Variants in KIAA0930 observed in about 807,000 individuals in gnomAD.
The protein encoded by KIAA0930 is KIAA0930, also known as uncharacterized protein KIAA0930.
A neutral mutation model predicts 43.9 loss-of-function variants in KIAA0930; 24 were observed. That is an observed-to-expected ratio of 0.55 (90% confidence interval 0.40 to 0.77). KIAA0930 has a LOEUF of 0.77. Among genes scored for constraint, KIAA0930 ranks in the 30% least tolerant of loss-of-function variants. The pLI, the probability that KIAA0930 is intolerant of heterozygous loss-of-function variation, is 0.00. For synonymous variants in KIAA0930, 259 were observed against 216.4 expected, an observed-to-expected ratio of 1.20 and a Z score of -1.73; for missense variants, 461 against 574.2, an observed-to-expected ratio of 0.80 and a Z score of 2.02.
intron 5 of KIAA0930, 142 bp downstream of exon 5, chr22:45,205,075 G>C (rs1488505371): frequency 1.5e-6 from 1 of 669,660 alleles, no homozygotes; most frequent in East Asian, 2.7e-5. Flanking sequence ...GGAAGAGAGA[G>C]AGCCACATCT....
intron 1 of KIAA0930, among the ~76,000 whole-genome samples, chr22:45,234,586 C>G (rs2147767994): frequency 6.6e-6 from 1 of 152,364 alleles, no homozygotes; most frequent in South Asian, 2.1e-4. Context: ...CCTTGGGGGT[C>G]ACACAGCAGC....
intron 2 of KIAA0930, among the ~76,000 whole-genome samples, chr22:45,209,673 C>T (rs980927306): frequency 3.9e-5 from 6 of 152,240 alleles, no homozygotes; most frequent in African/African-American, 1.4e-4. Flanking sequence ...ATAGCACTGG[C>T]CATACCGTCT....
rs186005773 is a variant in KIAA0930, at chr22:45,228,032, C to T, written c.64+12608G>A. ...TCAGCACCGGCCAATGCAGACAATCCGTGGGCTGGCAGGAGGGACCTGCAG... is the reference window on the plus strand; with the variant it reads ...TCAGCACCGGCCAATGCAGACAATCTGTGGGCTGGCAGGAGGGACCTGCAG... On this transcript the variant is annotated intron_variant, in intron 1 of 9. Transcript: ENST00000336156. 1.6e-3 allele frequency among the ~76,000 whole-genome samples: 245 copies of T among 152,296 alleles called. 1 individual carries two copies. The highest frequency in any genetic ancestry group is 2.6e-3 in the Non-Finnish European group (178 of 68,020).
intron 5 of KIAA0930, 116 bp downstream of exon 5, chr22:45,205,101 T>C (rs1349794011): frequency 8.8e-6 from 7 of 799,002 alleles, no homozygotes; most frequent in Non-Finnish European, 1.3e-5. Flanking sequence ...AGCCGGACTC[T>C]TCCCGGCTCC....
chr22:45,207,970 A>G (rs1474294053), intron 2 of KIAA0930, among the ~76,000 whole-genome samples: 1 of 152,186 alleles, frequency 6.6e-6, no homozygotes, highest in African/African-American at 2.4e-5. Context: ...TTTGCTCAGC[A>G]AAGCGCTGTG....
intron 7 of KIAA0930, 49 bp from the exon 8 acceptor site, chr22:45,200,084 C>CCGGG (rs775802122): frequency 6.6e-7 from 1 of 1,524,500 alleles, no homozygotes; most frequent in Non-Finnish European, 8.8e-7. Context: ...AGCCCCCTCC[C>CCGGG]CGGGGGTCCC....
In KIAA0930 at chr22:45,205,815, C is replaced by G; in HGVS notation, c.314G>C (p.Cys105Ser). 8.2e-7 allele frequency: 1 copy of G among 1,221,214 alleles called. No individual in the cohort carries two copies. Among genetic ancestry groups the G allele is most frequent in the Non-Finnish European group, 1.1e-6 (1 of 892,480 alleles). The allele number at this position is 1,221,214 out of a possible 1,614,324, so 75.6% of individuals were successfully genotyped here. Reference protein sequence around the residue: ...DPDIDWEESVCLNLILQKLDY... With the variant: ...DPDIDWEESVSLNLILQKLDY... ...TACCTTCTGCAGGATGAGATTCAGG[C>G]AGACGCTCTCCTCCCAGTCGATGTC... The change falls in exon 3 of 10, where the codon TGC (cysteine) becomes TCC (serine). Residue 105 changes from cysteine to serine, a missense_variant. By Grantham distance (112) the Cys-to-Ser change is moderately radical (BLOSUM62 -1). Transcript: ENST00000336156.
At chr22:45,219,560 C>T (rs2083754298) in intron 1 of KIAA0930, among the ~76,000 whole-genome samples, 1 of 142,552 alleles carries the variant, frequency 7.0e-6, no homozygotes, top group Non-Finnish European at 1.5e-5. Context: ...AGTACATTAA[C>T]ACAGCAGGCC....
Position 45,240,656 on chromosome 22 carries a change from G to A in KIAA0930, c.48C>T (p.Arg16=), listed in dbSNP as rs1468969022. 2 of 1,526,900 alleles carry A rather than the reference G, an allele frequency of 1.3e-6. No individual in the cohort carries two copies. Among genetic ancestry groups the A allele is most frequent in the African/African-American group, 1.4e-5 (1 of 71,950 alleles). 94.6% of individuals were successfully genotyped at this position (1,526,900 alleles called of 1,614,324 possible). ...AEERGRLSLR[R]EVCGLGCFKD... is the part of the protein sequence containing the mutation. ...CCCACTCACCGAGGCCGCAGACCTC[G>A]CGGCGCAGGCTAAGACGGCCGCGCT... The change falls in exon 1 of 10, where the codon CGC becomes CGT. Residue 16 remains arginine (R), a synonymous_variant. Coordinates refer to ENST00000336156, the MANE Select transcript of KIAA0930 (RefSeq NM_001009880.2).
At chr22:45,226,290 G>A (rs528676454) in intron 1 of KIAA0930, 12 of 471,030 alleles carry the variant, frequency 2.5e-5, no homozygotes, top group South Asian at 4.6e-5. Context: ...TAAGGAAACC[G>A]AGACCTTCAA....
intron 1 of KIAA0930, among the ~76,000 whole-genome samples, chr22:45,239,265 G>A (rs1220896013): frequency 6.6e-6 from 1 of 152,248 alleles, no homozygotes; most frequent in Non-Finnish European, 1.5e-5. Context: ...GGTGCCAGCT[G>A]ACAGGTGGGC....
chr22:45,206,041 G>C (rs990444446), intron 2 of KIAA0930, 129 bp from the exon 3 acceptor site: 1 of 1,451,790 alleles, frequency 6.9e-7, no homozygotes, highest in South Asian at 1.3e-5. Flanking sequence ...TTTGAGACAG[G>C]GTCTCACACC....
chr22:45,208,405 CCA>C (rs1462155478), intron 2 of KIAA0930, among the ~76,000 whole-genome samples: 1 of 148,844 alleles, frequency 6.7e-6, no homozygotes, highest in Non-Finnish European at 1.5e-5. Flanking sequence ...CCCGCCAACT[CCA>C]CACACACGAG....
intron 1 of KIAA0930, among the ~76,000 whole-genome samples, chr22:45,235,686 G>A (rs948154757): frequency 3.3e-5 from 5 of 152,170 alleles, no homozygotes; most frequent in Non-Finnish European, 5.9e-5. Flanking sequence ...GACTGCACCC[G>A]ACTCCACACC....
chr22:45,194,731 T>C lies in KIAA0930; in HGVS notation c.*2445A>G, dbSNP rs537171554. Reference sequence around the variant, plus strand: ...TAAGTGGCTCTGAGCAAGTTTTAAATCCGGCATCGCAAGTACCCTTTGGAG... The same window carrying C: ...TAAGTGGCTCTGAGCAAGTTTTAAACCCGGCATCGCAAGTACCCTTTGGAG... On this transcript the variant is annotated 3_prime_UTR_variant, in exon 10 of 10. Transcript: ENST00000336156. 1 of 152,324 alleles carries C rather than the reference T, an allele frequency of 6.6e-6. No homozygotes were observed. The highest frequency in any genetic ancestry group is 1.5e-5 in the Non-Finnish European group (1 of 68,032). 9.4% of individuals were successfully genotyped at this position (152,324 alleles called of 1,614,324 possible).
intron 2 of KIAA0930, among the ~76,000 whole-genome samples, chr22:45,207,376 A>G (rs1237707734): frequency 6.7e-6 from 1 of 149,038 alleles, no homozygotes; most frequent in Non-Finnish European, 1.5e-5. Context: ...GGGCTGGAGT[A>G]CAGTGGCACA....
At position 45,194,769 on chromosome 22, in the gene KIAA0930, C is replaced by G. The variant is rs549143773; in HGVS notation, c.*2407G>C. 2.0e-5 allele frequency: 3 copies of G among 152,222 alleles called. No individual in the cohort carries two copies. Among genetic ancestry groups the G allele is most frequent in the Admixed American group, 2.0e-4 (3 of 15,280 alleles). 9.4% of individuals were successfully genotyped at this position (152,222 alleles called of 1,614,324 possible). On this transcript the variant is annotated 3_prime_UTR_variant, in exon 10 of 10. Transcript: ENST00000336156. Reference sequence around the variant, plus strand: ...GTACCCTTTGGAGAGGGATTTAGGGCCTGAGAAAGGCAGACTCCACCGAGT... The same window carrying G: ...GTACCCTTTGGAGAGGGATTTAGGGGCTGAGAAAGGCAGACTCCACCGAGT...
chr22:45,211,337 T>C (rs908035765), intron 2 of KIAA0930: 11 of 398,494 alleles, frequency 2.8e-5, no homozygotes, highest in African/African-American at 8.2e-5. Context: ...GAAGGAAGCA[T>C]GCAAAATGTA....
At chr22:45,198,117 C>G (rs1209493066) in intron 8 of KIAA0930, 169 bp from the exon 9 acceptor site, 6 of 629,726 alleles carry the variant, frequency 9.5e-6, no homozygotes, top group Non-Finnish European at 1.6e-5. Context: ...GCCTCCTCGC[C>G]TGTAACACCC....
Sources: gnomAD v4.1 joint callset for allele counts (sites outside exome capture counted in the v4.1 genomes callset) on GRCh38, gnomAD v4.1.1 for gene constraint, MANE v1.5 for transcripts, NCBI Gene and HGNC (gene_info 2026-07-23, HGNC 2026-07-21) for gene names.